EPHB1: variants seen among roughly 807,000 people sequenced by gnomAD.
EPHB1 encodes the protein EPH receptor B1, also known as ephrin type-B receptor 1.
EPHB1 carries 30 observed loss-of-function variants against 94.4 expected under a neutral mutation model. That is an observed-to-expected ratio of 0.32 (90% confidence interval 0.24 to 0.43). EPHB1 has a LOEUF of 0.43. EPHB1 is among the 20% of genes least tolerant of loss of function. The pLI is 1.00. For missense variants in EPHB1, 1,055 were observed against 1,308.3 expected, an observed-to-expected ratio of 0.81 and a Z score of 2.99; for synonymous variants, 522 against 489.1, an observed-to-expected ratio of 1.07 and a Z score of -0.89.
chr3:135,036,335 G>T (rs535270120), intron 3 of EPHB1, among the ~76,000 whole-genome samples: 1 of 152,294 alleles, frequency 6.6e-6, no homozygotes, highest in Admixed American at 6.5e-5. Context: ...TGGACAGGGA[G>T]AAAATCAATC....
intron 4 of EPHB1, among the ~76,000 whole-genome samples, chr3:135,117,542 C>T (rs991223076): frequency 6.6e-6 from 1 of 152,214 alleles, no homozygotes; most frequent in Non-Finnish European, 1.5e-5. Context: ...ACTACCTCCA[C>T]CCCATTAAAT....
At chr3:135,097,054 C>T (rs1362244548) in intron 3 of EPHB1, among the ~76,000 whole-genome samples, 1 of 147,472 alleles carries the variant, frequency 6.8e-6, no homozygotes, top group Non-Finnish European at 1.5e-5. Flanking sequence ...TGAGATCATG[C>T]CACTGCACTC....
intron 3 of EPHB1, among the ~76,000 whole-genome samples, chr3:135,077,239 G>A (rs1937967003): frequency 6.6e-6 from 1 of 152,224 alleles, no homozygotes; most frequent in African/African-American, 2.4e-5. Context: ...AGGGAAGGCT[G>A]CAGGCCACTG....
At chr3:134,937,442 G>T (rs2039024625) in intron 2 of EPHB1, among the ~76,000 whole-genome samples, 1 of 152,208 alleles carries the variant, frequency 6.6e-6, no homozygotes, top group Admixed American at 6.5e-5. Context: ...CCTGCCAGAG[G>T]CCCCACCCCT....
chr3:135,053,027 G>GTATATATA lies in EPHB1; in HGVS notation c.806-53400_806-53393dup, dbSNP rs1243029809. Reference sequence around the variant, plus strand: ...TGTGTATATATATGTGTGTGTGTGTGTATATATATATATATATATATATAT... The same window carrying GTATATATA: ...TGTGTATATATATGTGTGTGTGTGTGTATATATATATATATATATATATATATATATAT... On this transcript the variant is annotated intron_variant, in intron 3 of 15. Coordinates refer to ENST00000398015, the MANE Select transcript of EPHB1 (RefSeq NM_004441.5). Among the ~76,000 whole-genome samples, 64 of 110,450 alleles carry GTATATATA rather than the reference G, an allele frequency of 5.8e-4. 2 individuals are homozygous for GTATATATA. Among genetic ancestry groups the GTATATATA allele is most frequent in the South Asian group, 2.4e-3 (8 of 3,400 alleles). The allele number at this position is 110,450 out of a possible 152,430, so 72.5% of individuals were successfully genotyped here. A position where few individuals can be genotyped will look rare whatever the true frequency, so the allele number is the denominator to read the frequency against.
In EPHB1 at chr3:135,089,911, G is replaced by A. The variant is rs751845244; in HGVS notation, c.806-16537G>A. Among the ~76,000 whole-genome samples the A allele has an allele frequency of 8.5e-5, 13 of 152,270 alleles. No homozygotes were observed. The East Asian group carries it at 2.3e-3, about 27-fold the overall frequency. ...TCAGTTCAATGGCTTCCCTAAGTGT[G>A]CATTGAGATCTAAGTGCTAAGTGTA... On this transcript the variant is annotated intron_variant, in intron 3 of 15. Coordinates refer to ENST00000398015, the MANE Select transcript of EPHB1 (RefSeq NM_004441.5).
intron 4 of EPHB1, among the ~76,000 whole-genome samples, chr3:135,118,963 A>T (rs1939831200): frequency 1.3e-5 from 2 of 152,202 alleles, no homozygotes; most frequent in Admixed American, 6.5e-5. Flanking sequence ...TCAATATTAC[A>T]AAGTGTTTCC....
chr3:135,258,224 C>T (rs1264869149), intron 15 of EPHB1, among the ~76,000 whole-genome samples: 1 of 152,228 alleles, frequency 6.6e-6, no homozygotes, highest in Non-Finnish European at 1.5e-5. Context: ...GCCATCTTGG[C>T]TCCTCCAATC....
At chr3:135,065,976 C>A (rs1476094261) in intron 3 of EPHB1, among the ~76,000 whole-genome samples, 3 of 152,170 alleles carry the variant, frequency 2.0e-5, no homozygotes, top group Non-Finnish European at 4.4e-5. Context: ...TTACTGGATA[C>A]AAAATTCTTG....
chr3:135,219,406 A>G (rs560564531), intron 12 of EPHB1, among the ~76,000 whole-genome samples: 1 of 152,028 alleles, frequency 6.6e-6, no homozygotes, highest in Admixed American at 6.5e-5. Context: ...TCATTAAAGA[A>G]GGGGGATTAG....
rs115240261 is a variant in EPHB1, at chr3:135,201,778, G to A, written c.2346+89G>A. On this transcript the variant is annotated intron_variant, in intron 12 of 15. Transcript: ENST00000398015. ...TGGGAACTGTGACAGGGCACACTGGGAGGGAATGGAACCTGAACTGAGCTC... is the reference window on the plus strand; with the variant it reads ...TGGGAACTGTGACAGGGCACACTGGAAGGGAATGGAACCTGAACTGAGCTC... 1.3e-3 allele frequency: 1,612 copies of A among 1,284,142 alleles called. 15 individuals carry two copies. In the African/African-American group the frequency reaches 0.02, roughly 16 times the overall value. The allele number at this position is 1,284,142 out of a possible 1,614,324, so 79.5% of individuals were successfully genotyped here.
chr3:135,165,042 T>C (rs1455593769), intron 7 of EPHB1, among the ~76,000 whole-genome samples: 1 of 152,214 alleles, frequency 6.6e-6, no homozygotes. Flanking sequence ...CTAATTGTAA[T>C]AGAACATAAA....
At chr3:134,862,529 T>C (rs915402368) in intron 1 of EPHB1, among the ~76,000 whole-genome samples, 1 of 150,920 alleles carries the variant, frequency 6.6e-6, no homozygotes, top group African/African-American at 2.5e-5. Context: ...AGAAAAATAC[T>C]CAATTAGAGT....
At chr3:134,802,928 G>C (rs1024439180) in intron 1 of EPHB1, among the ~76,000 whole-genome samples, 5 of 152,136 alleles carry the variant, frequency 3.3e-5, no homozygotes, top group African/African-American at 1.2e-4. Context: ...TGACCCTGCT[G>C]GTGATTGAGG....
chr3:135,255,235 T>G (rs891749645), intron 15 of EPHB1, among the ~76,000 whole-genome samples: 1 of 152,118 alleles, frequency 6.6e-6, no homozygotes, highest in Non-Finnish European at 1.5e-5. Flanking sequence ...TGATTTTAGT[T>G]ATTTCTTGCC....
chr3:134,846,413 G>C (rs536048016), intron 1 of EPHB1, among the ~76,000 whole-genome samples: 1 of 152,156 alleles, frequency 6.6e-6, no homozygotes, highest in South Asian at 2.1e-4. Flanking sequence ...CTGCCTTTGC[G>C]ATACCTTCCA....
At chr3:135,018,838 A>G (rs984064916) in intron 3 of EPHB1, among the ~76,000 whole-genome samples, 1 of 152,216 alleles carries the variant, frequency 6.6e-6, no homozygotes, top group Non-Finnish European at 1.5e-5. Flanking sequence ...TTCAGTGGCT[A>G]CGATGTGACA....
At chr3:135,220,512 A>G (rs1943251109) in intron 12 of EPHB1, among the ~76,000 whole-genome samples, 1 of 152,102 alleles carries the variant, frequency 6.6e-6, no homozygotes, top group African/African-American at 2.4e-5. Flanking sequence ...GGGCGTAGAG[A>G]AAAGCTCAAA....
intron 3 of EPHB1, among the ~76,000 whole-genome samples, chr3:135,099,214 G>A (rs1938934605): frequency 6.6e-6 from 1 of 152,122 alleles, no homozygotes; most frequent in African/African-American, 2.4e-5. Context: ...CTATGTGTAA[G>A]TTTGTGCTAA....
Sources: gnomAD v4.1 joint callset for allele counts (sites outside exome capture counted in the v4.1 genomes callset) on GRCh38, gnomAD v4.1.1 for gene constraint, MANE v1.5 for transcripts, NCBI Gene and HGNC (gene_info 2026-07-23, HGNC 2026-07-21) for gene names.